ZDHHC3: variants seen among roughly 807,000 people sequenced by gnomAD.
ZDHHC3 encodes the protein zDHHC palmitoyltransferase 3.
A neutral mutation model predicts 30.6 loss-of-function variants in ZDHHC3; 9 were observed. That is an observed-to-expected ratio of 0.29 (90% CI 0.18 to 0.51). The LOEUF (loss-of-function observed/expected upper bound fraction) is 0.51. Ranked by LOEUF, ZDHHC3 falls within the 20% of genes least tolerant of loss-of-function variation. The pLI is 0.97. For missense variants in ZDHHC3, 246 were observed against 384.2 expected (o/e 0.64, Z 3.01); for synonymous variants, 136 against 140.2 (o/e 0.97, Z 0.21).
intron 3 of ZDHHC3, 130 bp downstream of exon 3, chr3:44,945,038 C>T (rs1702793045): frequency 7.5e-7 from 1 of 1,329,262 alleles, no homozygotes; most frequent in Admixed American, 1.9e-5. Flanking sequence ...GAGCAGGGGA[C>T]ATTTGGAATC....
chr3:44,965,296 C>A (rs1282540422), intron 1 of ZDHHC3, among the ~76,000 whole-genome samples: 1 of 152,168 alleles, frequency 6.6e-6, no homozygotes, highest in East Asian at 1.9e-4. Context: ...TTCCACTAAC[C>A]CACACTGACA....
chr3:44,947,036 TA>T (rs1703003496), intron 2 of ZDHHC3, among the ~76,000 whole-genome samples: 1 of 152,122 alleles, frequency 6.6e-6, no homozygotes, highest in African/African-American at 2.4e-5. Context: ...AAAACTGAAT[TA>T]CGAGGATGGA....
At chr3:44,930,843 G>A (rs1016998433) in intron 5 of ZDHHC3, among the ~76,000 whole-genome samples, 1 of 152,172 alleles carries the variant, frequency 6.6e-6, no homozygotes, top group African/African-American at 2.4e-5. Flanking sequence ...TACAAGTATG[G>A]GTGGCCTTGG....
Position 44,925,656 on chromosome 3 carries a change from G to A in ZDHHC3, c.*1033C>T. 1.0e-6 allele frequency: 1 copy of A among 985,460 alleles called. No individual in the cohort carries two copies. Among genetic ancestry groups the A allele is most frequent in the Non-Finnish European group, 1.2e-6 (1 of 829,946 alleles). 61.0% of individuals were successfully genotyped at this position (985,460 alleles called of 1,614,324 possible). ...AGCATCATGGTCATCTCCATGCCAG[G>A]ACAACAGTCTCCCAGGTTAAAATAT... On this transcript the variant is annotated 3_prime_UTR_variant, in exon 7 of 7. Coordinates refer to ENST00000424952, the MANE Select transcript of ZDHHC3 (RefSeq NM_001135179.2).
chr3:44,959,332 G>A lies in ZDHHC3; in HGVS notation c.105C>T (p.Thr35=). Reference sequence around the variant, plus strand: ...CACAGCCGTCACGGATAAACCACATGGTTCCCACAGGACCAGGGTAGGGGG... The same window carrying A: ...CACAGCCGTCACGGATAAACCACATAGTTCCCACAGGACCAGGGTAGGGGG... The part of the protein sequence containing the change: ...VPPPYPGPVG[T]MWFIRDGCGI... Residue 35 remains threonine (T), a synonymous_variant, in exon 2 of 7, where the codon ACC becomes ACT. Transcript: ENST00000424952. The surrounding 1 kb of genome is among the most constrained non-coding windows in gnomAD (Gnocchi z 4.3). 3 of 1,614,212 alleles carry A rather than the reference G, an allele frequency of 1.9e-6. No homozygotes were observed. The highest frequency in any genetic ancestry group is 2.5e-6 in the Non-Finnish European group (3 of 1,180,046).
intron 5 of ZDHHC3, among the ~76,000 whole-genome samples, chr3:44,930,095 G>A (rs1476234331): frequency 1.3e-5 from 2 of 152,234 alleles, no homozygotes; most frequent in African/African-American, 2.4e-5. Flanking sequence ...AGAGGCATGG[G>A]CCCAGAGTAG....
Position 44,924,354 on chromosome 3 carries a change from A to C in ZDHHC3, c.*2335T>G, listed in dbSNP as rs1700823561. On this transcript the variant is annotated 3_prime_UTR_variant, in exon 7 of 7. Transcript: ENST00000424952. ...TTGGCAAAATATCAGTCTGAACAAAAATGAAATAGGAAAAATGCCAGGAAC... is the reference window on the plus strand; with the variant it reads ...TTGGCAAAATATCAGTCTGAACAAACATGAAATAGGAAAAATGCCAGGAAC... 6.1e-6 allele frequency: 6 copies of C among 985,340 alleles called. No homozygotes were observed. The highest frequency in any genetic ancestry group is 7.2e-6 in the Non-Finnish European group (6 of 829,948). 61.0% of individuals were successfully genotyped at this position (985,340 alleles called of 1,614,324 possible). A position where few individuals can be genotyped will look rare whatever the true frequency, so the allele number is the denominator to read the frequency against.
In ZDHHC3 at chr3:44,947,190, G is replaced by A. The variant is rs551768330; in HGVS notation, c.307-1898C>T. On this transcript the variant is annotated intron_variant, in intron 2 of 6. Coordinates refer to ENST00000424952, the MANE Select transcript of ZDHHC3 (RefSeq NM_001135179.2). Reference sequence around the variant, plus strand: ...TTTCCATTTTTAGCAGCTGGTAAGTGGTGGCACGTCAAAACCATTAAGAGA... The same window carrying A: ...TTTCCATTTTTAGCAGCTGGTAAGTAGTGGCACGTCAAAACCATTAAGAGA... 5.9e-5 allele frequency among the ~76,000 whole-genome samples: 9 copies of A among 152,256 alleles called. No individual in the cohort carries two copies. In the South Asian group the frequency reaches 1.9e-3, roughly 32 times the overall value.
At chr3:44,974,305 G>A (rs2125944888) in intron 1 of ZDHHC3, among the ~76,000 whole-genome samples, 1 of 152,290 alleles carries the variant, frequency 6.6e-6, no homozygotes, top group South Asian at 2.1e-4. Flanking sequence ...TAAGACATTG[G>A]AAAATCTTTA....
chr3:44,969,116 A>G (rs750460674), intron 1 of ZDHHC3, among the ~76,000 whole-genome samples: 6 of 152,244 alleles, frequency 3.9e-5, no homozygotes, highest in Admixed American at 1.3e-4. Context: ...ACACTTGCCG[A>G]TGACGGTGAT....
chr3:44,932,513 T>C (rs924968599), intron 5 of ZDHHC3, among the ~76,000 whole-genome samples: 3 of 152,218 alleles, frequency 2.0e-5, no homozygotes, highest in South Asian at 2.1e-4. Context: ...CCAGCATCTA[T>C]TGTTTTCCTT....
At chr3:44,944,412 C>T (rs1702734355) in intron 3 of ZDHHC3, among the ~76,000 whole-genome samples, 1 of 152,278 alleles carries the variant, frequency 6.6e-6, no homozygotes, top group East Asian at 1.9e-4. Flanking sequence ...TCCTAAAGTG[C>T]TGGGATTACA....
At chr3:44,929,647 C>T in intron 5 of ZDHHC3, among the ~76,000 whole-genome samples, 1 of 152,202 alleles carries the variant, frequency 6.6e-6, no homozygotes, top group East Asian at 1.9e-4. Context: ...CTCAACAGGC[C>T]AGGCCCCAGC....
intron 2 of ZDHHC3, among the ~76,000 whole-genome samples, chr3:44,952,689 G>T (rs1490830587): frequency 6.6e-6 from 1 of 152,096 alleles, no homozygotes; most frequent in African/African-American, 2.4e-5. Flanking sequence ...TACCCTCAGG[G>T]GCTCCATTTA....
chr3:44,958,738 T>C (rs1704187781), intron 2 of ZDHHC3: 1 of 1,465,404 alleles, frequency 6.8e-7, no homozygotes, highest in Non-Finnish European at 9.2e-7. Flanking sequence ...AGCACTGTCT[T>C]CACTGGGAAG....
chr3:44,964,355 C>G (rs1704744322), intron 1 of ZDHHC3, among the ~76,000 whole-genome samples: 1 of 152,080 alleles, frequency 6.6e-6, no homozygotes, highest in Non-Finnish European at 1.5e-5. Flanking sequence ...TACAAAAAGG[C>G]AAGGGGGGCC....
At chr3:44,937,292 A>C (rs921951827) in intron 3 of ZDHHC3, among the ~76,000 whole-genome samples, 2 of 151,990 alleles carry the variant, frequency 1.3e-5, no homozygotes, top group Non-Finnish European at 2.9e-5. Context: ...AAAAATAAAA[A>C]AATTAGCCGG....
In ZDHHC3 at chr3:44,952,044, C is replaced by T. The variant is rs542382063; in HGVS notation, c.307-6752G>A. On this transcript the variant is annotated intron_variant, in intron 2 of 6. Transcript: ENST00000424952. The stretch of plus-strand genomic sequence containing the variant: ...TCACTCGGTGATAATGCTCCAATCA[C>T]AAGCTCCAACTCAGACCTCTTGAAT... 2.0e-5 allele frequency among the ~76,000 whole-genome samples: 3 copies of T among 152,348 alleles called. No homozygotes were observed. In the East Asian group the frequency reaches 5.8e-4, roughly 29 times the overall value.
rs147093659 is a variant in ZDHHC3 at position 44,934,011 on chromosome 3, T to C, written c.432-27A>G. ...TGAAACAGCCCACAGGTCAGACCTT[T>C]AGGGCATCCCCATGGTGTTGGGAGG... On this transcript the variant is annotated intron_variant, in intron 3 of 6. Coordinates refer to ENST00000424952, the MANE Select transcript of ZDHHC3 (RefSeq NM_001135179.2). 3.6e-3 allele frequency: 5,794 copies of C among 1,611,654 alleles called. 262 individuals carry two copies. In the Admixed American group the frequency reaches 0.081, roughly 22 times the overall value.
Sources: gnomAD v4.1 joint callset for allele counts (sites outside exome capture counted in the v4.1 genomes callset) on GRCh38, gnomAD v4.1.1 for gene constraint, Gnocchi (gnomAD v3.1) non-coding constraint, MANE v1.5 for transcripts, NCBI Gene and HGNC (gene_info 2026-07-23, HGNC 2026-07-21) for gene names.